UNC5B: variants seen among roughly 807,000 people sequenced by gnomAD.
UNC5B encodes netrin receptor UNC5B.
Under a neutral mutation model 103.7 loss-of-function variants are expected in UNC5B, and 56 were observed. The observed-to-expected ratio is 0.54, with a 90% CI of 0.44 to 0.67. The LOEUF (loss-of-function observed/expected upper bound fraction) is 0.67, where lower values mean the gene tolerates loss of function less well. Among genes scored for constraint, UNC5B ranks in the 30% least tolerant of loss-of-function variants. The pLI is 0.00. For missense variants in UNC5B, 1,194 were observed against 1,284.5 expected (o/e 0.93, Z 1.08); for synonymous variants, 577 against 542.0 (o/e 1.06, Z -0.90).
At chr10:71,248,346 C>T (rs1389669736) in intron 1 of UNC5B, among the ~76,000 whole-genome samples, 4 of 152,140 alleles carry the variant, frequency 2.6e-5, no homozygotes, top group Admixed American at 6.5e-5. Flanking sequence ...AGGCAATACA[C>T]ACAGCGCCCT....
rs920926258 is a variant in UNC5B, at chr10:71,300,065, A to T, written c.*788A>T. The T allele has an allele frequency of 6.6e-5, 8 of 121,832 alleles. No homozygotes were observed. The highest frequency in any genetic ancestry group is 4.5e-4 in the Admixed American group (6 of 13,216). 7.5% of individuals were successfully genotyped at this position (121,832 alleles called of 1,614,324 possible). On this transcript the variant is annotated 3_prime_UTR_variant, in exon 17 of 17. Coordinates refer to ENST00000335350, the MANE Select transcript of UNC5B (RefSeq NM_170744.5). Reference sequence around the variant, plus strand: ...TGTGTGTGTGTGTGTGTGTGTGTACATGTACGCGTGTGCATTGAGGAGAGA... The same window carrying T: ...TGTGTGTGTGTGTGTGTGTGTGTACTTGTACGCGTGTGCATTGAGGAGAGA...
intron 8 of UNC5B, 135 bp downstream of exon 8, chr10:71,289,125 C>A: frequency 1.7e-6 from 2 of 1,152,672 alleles, no homozygotes; most frequent in Non-Finnish European, 2.5e-6. Flanking sequence ...TCATCTACAC[C>A]TGACACTGCA....
intron 1 of UNC5B, among the ~76,000 whole-genome samples, chr10:71,250,364 T>A (rs1166817434): frequency 6.6e-6 from 1 of 152,250 alleles, no homozygotes; most frequent in Non-Finnish European, 1.5e-5. Context: ...CTCCCAGCCT[T>A]GGCCTCTCTT....
At chr10:71,232,147 GCC>G (rs1843696143) in intron 1 of UNC5B, among the ~76,000 whole-genome samples, 1 of 152,182 alleles carries the variant, frequency 6.6e-6, no homozygotes, top group Non-Finnish European at 1.5e-5. Context: ...AAGCCTTGTG[GCC>G]CATCTCCGAT....
intron 1 of UNC5B, among the ~76,000 whole-genome samples, chr10:71,234,642 AG>A (rs757907220): frequency 1.2e-4 from 19 of 152,320 alleles, no homozygotes; most frequent in East Asian, 5.8e-4. Flanking sequence ...ATCCCTGGGG[AG>A]AAGCCTAATA....
chr10:71,257,147 C>T (rs2132276898), intron 1 of UNC5B, among the ~76,000 whole-genome samples: 1 of 152,264 alleles, frequency 6.6e-6, no homozygotes, highest in Middle Eastern at 3.4e-3. Flanking sequence ...CCTCTGTGAG[C>T]CAGCAGGTGC....
chr10:71,229,074 G>T (rs113792348), intron 1 of UNC5B, among the ~76,000 whole-genome samples: 19 of 152,328 alleles, frequency 1.2e-4, no homozygotes, highest in African/African-American at 4.6e-4. Flanking sequence ...GGCGGTGAGG[G>T]AATCGAACTT....
chr10:71,242,197 C>T (rs1375572680), intron 1 of UNC5B, among the ~76,000 whole-genome samples: 3 of 152,146 alleles, frequency 2.0e-5, no homozygotes, highest in Non-Finnish European at 4.4e-5. Context: ...GCGTGGCGTC[C>T]GTCGGCCGTG....
intron 1 of UNC5B, among the ~76,000 whole-genome samples, chr10:71,238,997 G>A (rs1362384918): frequency 6.6e-6 from 1 of 152,130 alleles, no homozygotes; most frequent in Non-Finnish European, 1.5e-5. Context: ...CTCAGACTTA[G>A]AAATGGAGGC....
At chr10:71,294,916 C>G (rs1845367666) in intron 13 of UNC5B, among the ~76,000 whole-genome samples, 2 of 152,184 alleles carry the variant, frequency 1.3e-5, no homozygotes, top group South Asian at 4.1e-4. Context: ...CAGGCTCATC[C>G]TGATGTAACC....
chr10:71,250,129 A>G (rs1238094462), intron 1 of UNC5B, among the ~76,000 whole-genome samples: 3 of 152,200 alleles, frequency 2.0e-5, no homozygotes, highest in Non-Finnish European at 4.4e-5. Flanking sequence ...GCTGGGCCTG[A>G]GCCACCTGCC....
Position 71,293,885 on chromosome 10 carries a change from G to A in UNC5B, c.2127G>A (p.Glu709=), listed in dbSNP as rs984024341. 7.5e-6 allele frequency: 12 copies of A among 1,606,446 alleles called. No individual in the cohort carries two copies. Among genetic ancestry groups the A allele is most frequent in the African/African-American group, 1.3e-5 (1 of 74,896 alleles). Residue 709 remains glutamate, a synonymous_variant, in exon 13 of 17, where the codon GAG becomes GAA. Coordinates refer to ENST00000335350, the MANE Select transcript of UNC5B (RefSeq NM_170744.5). The part of the protein sequence containing the change: ...VFAPALCTSL[E]YSLRVYCLED... Reference sequence around the variant, plus strand: ...CCCCCGCCCTCTGCACCTCCCTGGAGTACAGCCTCCGGGTCTACTGCCTGG... The same window carrying A: ...CCCCCGCCCTCTGCACCTCCCTGGAATACAGCCTCCGGGTCTACTGCCTGG...
chr10:71,227,743 C>CACACAT (rs1843604104), intron 1 of UNC5B, among the ~76,000 whole-genome samples: 1 of 123,226 alleles, frequency 8.1e-6, no homozygotes, highest in East Asian at 2.1e-4. Context: ...CACACACACA[C>CACACAT]ACATACATAC....
rs556422451 is a variant in UNC5B, at chr10:71,222,440, C to T, written c.79+9376C>T. ...CCACCTTCACCAGGTGCTGATGTGA[C>T]GTGAACACACACATATACAGTCTTG... On this transcript the variant is annotated intron_variant, in intron 1 of 16. Coordinates refer to ENST00000335350, the MANE Select transcript of UNC5B (RefSeq NM_170744.5). 2.5e-4 allele frequency among the ~76,000 whole-genome samples: 38 copies of T among 152,330 alleles called. No individual in the cohort carries two copies. In the South Asian group the frequency reaches 4.1e-3, roughly 17 times the overall value.
intron 1 of UNC5B, among the ~76,000 whole-genome samples, chr10:71,269,005 G>A (rs1013631500): frequency 2.1e-4 from 32 of 152,210 alleles, no homozygotes; most frequent in Non-Finnish European, 4.1e-4. Context: ...TCACCCGTCT[G>A]ACACGTGTGA....
Position 71,279,804 on chromosome 10 carries a change from C to T in UNC5B, c.80-17C>T. On this transcript the variant is annotated splice_polypyrimidine_tract_variant and intron_variant, in intron 1 of 16. Transcript: ENST00000335350. Reference sequence around the variant, plus strand: ...TCCCAGCACACAGCCTCATGGAGGTCTCCACTCACTCTGCAGGCACTGATT... The same window carrying T: ...TCCCAGCACACAGCCTCATGGAGGTTTCCACTCACTCTGCAGGCACTGATT... The T allele has an allele frequency of 6.2e-7, 1 of 1,609,090 alleles. No individual in the cohort carries two copies. Among genetic ancestry groups the T allele is most frequent in the Non-Finnish European group, 8.5e-7 (1 of 1,178,146 alleles).
At chr10:71,279,032 C>A (rs1844845884) in intron 1 of UNC5B, among the ~76,000 whole-genome samples, 1 of 152,222 alleles carries the variant, frequency 6.6e-6, no homozygotes, top group South Asian at 2.1e-4. Flanking sequence ...GCCAGGATTT[C>A]CATCTGGCCC....
Position 71,281,387 on chromosome 10 carries a change from C to G in UNC5B, c.304+1342C>G, listed in dbSNP as rs1413488472. Among the ~76,000 whole-genome samples, 3 of 151,120 alleles carry G rather than the reference C, an allele frequency of 2.0e-5. No individual in the cohort carries two copies. In the South Asian group the frequency reaches 6.3e-4, roughly 32 times the overall value. ...ACAGAGTCTCGCTCTGTCACCCGGG[C>G]TAGAGTACAGTGGCGCAATCTCGGC... On this transcript the variant is annotated intron_variant, in intron 2 of 16. Transcript: ENST00000335350.
intron 2 of UNC5B, 21 bp from the exon 3 acceptor site, chr10:71,284,699 G>A (rs370153163): frequency 1.5e-4 from 243 of 1,612,428 alleles, no homozygotes; most frequent in Admixed American, 6.0e-4. Context: ...GCCCCCTGAC[G>A]GCTCTCTCTT....
Sources: allele counts gnomAD v4.1 joint callset (sites outside exome capture counted in the v4.1 genomes callset), GRCh38; gene constraint gnomAD v4.1.1; transcripts MANE v1.5; gene names NCBI Gene and HGNC (gene_info 2026-07-23, HGNC 2026-07-21).